Variants in GLIS3 observed in about 807,000 individuals in gnomAD.
GLIS3 encodes zinc finger protein GLIS3.
A neutral mutation model predicts 78.6 loss-of-function variants in GLIS3; 53 were observed. That is an observed-to-expected ratio of 0.67 (90% CI 0.54 to 0.85). The LOEUF is 0.85. Ranked by LOEUF, GLIS3 falls within the 40% of genes least tolerant of loss-of-function variation. The pLI is 0.00. For synonymous variants in GLIS3, 684 were observed against 509.9 expected (o/e 1.34, Z -4.60); for missense variants, 1,703 against 1,231.1 (o/e 1.38, Z -5.74).
chr9:3,847,140 C>G (rs1184862424), intron 9 of GLIS3, among the ~76,000 whole-genome samples: 1 of 152,022 alleles, frequency 6.6e-6, no homozygotes, highest in Non-Finnish European at 1.5e-5. Context: ...GCCGAGATCG[C>G]GCCTCTGTAC....
intron 8 of GLIS3, 139 bp from the exon 9 acceptor site, chr9:3,856,323 A>C: frequency 1.3e-6 from 1 of 763,046 alleles, no homozygotes; most frequent in South Asian, 1.5e-5. Context: ...AAAATCTTTC[A>C]GGATTTTTCT....
the GLIS3 span, among the ~76,000 whole-genome samples, chr9:4,383,410 G>A: frequency 6.6e-6 from 1 of 152,048 alleles, no homozygotes; most frequent in African/African-American, 2.4e-5. Context: ...CTTGATTCAT[G>A]GATAAGCAAA....
intron 2 of GLIS3, among the ~76,000 whole-genome samples, chr9:4,283,875 T>G (rs1284080527): frequency 6.6e-6 from 1 of 152,216 alleles, no homozygotes; most frequent in African/African-American, 2.4e-5. Flanking sequence ...ATAATACAGC[T>G]GTCCTCTACC....
chr9:4,037,016 T>C (rs1824372707), intron 4 of GLIS3, among the ~76,000 whole-genome samples: 1 of 152,198 alleles, frequency 6.6e-6, no homozygotes, highest in Non-Finnish European at 1.5e-5. Context: ...GGTGTCCATG[T>C]TCTAACCTTT....
chr9:4,294,051 C>T (rs1176003329), intron 1 of GLIS3, among the ~76,000 whole-genome samples: 1 of 152,158 alleles, frequency 6.6e-6, no homozygotes, highest in African/African-American at 2.4e-5. Flanking sequence ...GGTCTTTTCC[C>T]TCCTCCTTTA....
At chr9:3,855,967 G>C (rs767747311) in intron 9 of GLIS3, 42 bp downstream of exon 9, 1 of 1,584,290 alleles carries the variant, frequency 6.3e-7, no homozygotes, top group Admixed American at 1.7e-5. Flanking sequence ...ACAGCACAAT[G>C]TCACTTTTCA....
the GLIS3 span, among the ~76,000 whole-genome samples, chr9:4,399,204 G>T: frequency 2.0e-5 from 3 of 152,128 alleles, no homozygotes; most frequent in Non-Finnish European, 4.4e-5. Context: ...TGGGATGATG[G>T]ATACGCTAAC....
chr9:4,170,205 G>C (rs998400894), intron 2 of GLIS3, among the ~76,000 whole-genome samples: 1 of 152,152 alleles, frequency 6.6e-6, no homozygotes, highest in African/African-American at 2.4e-5. Context: ...GAAAATACGA[G>C]TTTCAAATGG....
intron 6 of GLIS3, among the ~76,000 whole-genome samples, chr9:3,921,386 G>T (rs978059446): frequency 6.6e-6 from 1 of 152,196 alleles, no homozygotes; most frequent in Non-Finnish European, 1.5e-5. Flanking sequence ...CATGGGAACC[G>T]GAAGCTCAGA....
Position 4,342,689 on chromosome 9 carries a change from G to C in GLIS3, n.264+4392C>G, listed in dbSNP as rs151256545. Among the ~76,000 whole-genome samples, 1,073 of 152,318 alleles carry C rather than the reference G, an allele frequency of 7.0e-3. 11 individuals carry two copies. The highest frequency in any genetic ancestry group is 0.024 in the African/African-American group (993 of 41,564). On this transcript the variant is annotated intron_variant and non_coding_transcript_variant, in intron 2 of 4. Coordinates refer to the GLIS3 transcript ENST00000471664. ...TTAAATCTGTAAATTGCTTTGGGCA[G>C]TATGGCCATTTTAACAATATTGATT...
chr9:4,357,599 G>A, the GLIS3 span, among the ~76,000 whole-genome samples: 3 of 151,550 alleles, frequency 2.0e-5, no homozygotes, highest in African/African-American at 4.9e-5. Flanking sequence ...GCATGTGTAT[G>A]TGTCTTCTAT....
At chr9:3,983,841 A>C (rs1291983218) in intron 4 of GLIS3, among the ~76,000 whole-genome samples, 2 of 152,236 alleles carry the variant, frequency 1.3e-5, no homozygotes, top group Admixed American at 1.3e-4. Context: ...AGAGCACAAA[A>C]GTTTGGAAAT....
chr9:4,057,694 G>T (rs1057252691), intron 4 of GLIS3, among the ~76,000 whole-genome samples: 44 of 137,770 alleles, frequency 3.2e-4, no homozygotes, highest in African/African-American at 1.0e-3. Context: ...CTAGAGAACA[G>T]AAGAATGCAG....
chr9:4,301,521 A>G (rs142280260), upstream of GLIS3, among the ~76,000 whole-genome samples: 34 of 152,334 alleles, frequency 2.2e-4, no homozygotes, highest in African/African-American at 8.2e-4. Context: ...CATTAACTCC[A>G]GCCTTAAGGA....
chr9:4,427,666 C>G, the GLIS3 span, among the ~76,000 whole-genome samples: 8,939 of 152,004 alleles, frequency 0.059, 512 homozygotes, highest in East Asian at 0.29. Context: ...TGAGACCAAC[C>G]AGGTCAACAT....
At chr9:4,171,670 C>G (rs1393598220) in intron 2 of GLIS3, among the ~76,000 whole-genome samples, 2 of 152,128 alleles carry the variant, frequency 1.3e-5, no homozygotes, top group African/African-American at 2.4e-5. Flanking sequence ...AATTTTATGA[C>G]AAAAGCAATC....
chr9:3,955,138 C>T (rs561485582), intron 4 of GLIS3, among the ~76,000 whole-genome samples: 1 of 152,180 alleles, frequency 6.6e-6, no homozygotes, highest in African/African-American at 2.4e-5. Context: ...GGGAACAGAG[C>T]CGTAAATCAG....
chr9:4,032,840 G>C (rs1304243761), intron 4 of GLIS3, among the ~76,000 whole-genome samples: 2 of 151,702 alleles, frequency 1.3e-5, no homozygotes, highest in East Asian at 1.9e-4. Flanking sequence ...GGAATGCCAA[G>C]TGGAATTGAG....
intron 2 of GLIS3, among the ~76,000 whole-genome samples, chr9:4,193,107 T>G (rs544347856): frequency 6.6e-6 from 1 of 152,360 alleles, no homozygotes; most frequent in South Asian, 2.1e-4. Flanking sequence ...AATGAAATGT[T>G]CAGACTTATA....
Sources: allele counts gnomAD v4.1 joint callset (sites outside exome capture counted in the v4.1 genomes callset), GRCh38; gene constraint gnomAD v4.1.1; transcripts MANE v1.5; gene names NCBI Gene and HGNC (gene_info 2026-07-23, HGNC 2026-07-21).